Variants in PNISR observed in about 807,000 individuals in gnomAD.
PNISR encodes the protein PNN interacting serine and arginine rich protein, also known as arginine/serine-rich protein PNISR.
A neutral mutation model predicts 93.4 loss-of-function variants in PNISR; 20 were observed. The observed-to-expected ratio is 0.21, with a 90% CI of 0.15 to 0.31. PNISR has a LOEUF of 0.31. PNISR is among the 10% of genes least tolerant of loss of function. The pLI is 1.00. For synonymous variants in PNISR, 305 were observed against 306.5 expected, an observed-to-expected ratio of 0.99 and a Z score of 0.05; for missense variants, 893 against 985.4, an observed-to-expected ratio of 0.91 and a Z score of 1.25.
chr6:99,400,430 A>T lies in PNISR; in HGVS notation c.*110T>A, dbSNP rs1486857094. 1.2e-5 allele frequency: 17 copies of T among 1,396,878 alleles called. No individual in the cohort carries two copies. The highest frequency in any genetic ancestry group is 1.6e-5 in the Non-Finnish European group (17 of 1,065,130). The allele number at this position is 1,396,878 out of a possible 1,614,324, so 86.5% of individuals were successfully genotyped here. On this transcript the variant is annotated 3_prime_UTR_variant, in exon 12 of 12. Coordinates refer to ENST00000369239, the MANE Select transcript of PNISR (RefSeq NM_032870.4). ...CTAACATTTAAGACTATGATTATTTATCAAGTACCAAACTGAGTTTATTAA... is the reference window on the plus strand; with the variant it reads ...CTAACATTTAAGACTATGATTATTTTTCAAGTACCAAACTGAGTTTATTAA...
intron 1 of PNISR, among the ~76,000 whole-genome samples, chr6:99,416,725 A>G (rs1777748802): frequency 1.3e-5 from 2 of 152,216 alleles, no homozygotes; most frequent in South Asian, 2.1e-4. Flanking sequence ...AAGGAACAAC[A>G]AACATTTGAA....
At position 99,406,145 on chromosome 6, in the gene PNISR, G is replaced by A; in HGVS notation, c.888C>T (p.Asp296=). The change falls in exon 8 of 12, where the codon GAC becomes GAT. Residue 296 remains aspartate, a synonymous_variant. Coordinates refer to ENST00000369239, the MANE Select transcript of PNISR (RefSeq NM_032870.4). ...TACTTGCAGCCTCAACATTTTCAGT[G>A]TCTTCTTCTTCCTCATCACTATCCT... ...SKFDSDEEEE[D]TENVEAASSG... The A allele has an allele frequency of 6.2e-7, 1 of 1,609,500 alleles. No homozygotes were observed. The highest frequency in any genetic ancestry group is 8.5e-7 in the Non-Finnish European group (1 of 1,176,082).
At chr6:99,419,860 A>G (rs994397818) in intron 1 of PNISR, among the ~76,000 whole-genome samples, 5 of 152,000 alleles carry the variant, frequency 3.3e-5, no homozygotes, top group Admixed American at 1.3e-4. Flanking sequence ...AGATTTTGTA[A>G]TTTAGTAATT....
At chr6:99,407,996 C>G in intron 7 of PNISR, 85 bp downstream of exon 7, 1 of 971,838 alleles carries the variant, frequency 1.0e-6, no homozygotes, top group East Asian at 2.4e-5. Context: ...CTAATACTTT[C>G]CTATAGGCTA....
At position 99,412,737 on chromosome 6, in the gene PNISR, G is replaced by T. The variant is rs1217358657; in HGVS notation, c.91C>A (p.Gln31Lys). Residue 31 changes from glutamine (Q) to lysine (K), a missense_variant and splice_region_variant, in exon 4 of 12, where the codon CAG (glutamine) becomes AAG (lysine). Physicochemically the swap from Gln to Lys is moderately conservative, Grantham distance 53. Around this residue, in one of 3 missense-constraint regions of PNISR, gnomAD observed 24 missense variants for 32.9 expected, o/e 0.73. Transcript: ENST00000369239. ...QSFQHQQDPS[Q>K]IDWAALAQAW... is the part of the protein sequence containing the mutation. ...TGGGCCAATGCAGCCCAATCAATCT[G>T]GCCTAACGTAAATTAACACTGACTT... The T allele has an allele frequency of 1.3e-6, 2 of 1,558,626 alleles. No homozygotes were observed. Among genetic ancestry groups the T allele is most frequent in the Non-Finnish European group, 1.7e-6 (2 of 1,157,750 alleles).
At position 99,414,680 on chromosome 6, in the gene PNISR, T is replaced by TG; in HGVS notation, c.-22dup. On this transcript the variant is annotated 5_prime_UTR_variant, in exon 3 of 12. Coordinates refer to ENST00000369239, the MANE Select transcript of PNISR (RefSeq NM_032870.4). ...CACATCCCTTCTTTTAAAATATACT[T>TG]GATTTTCTATCTTCAATAAATTAAA... 6.8e-7 allele frequency: 1 copy of TG among 1,475,012 alleles called. No individual in the cohort carries two copies. Among genetic ancestry groups the TG allele is most frequent in the Non-Finnish European group, 9.4e-7 (1 of 1,067,912 alleles). 91.4% of individuals were successfully genotyped at this position (1,475,012 alleles called of 1,614,324 possible). A position where few individuals can be genotyped will look rare whatever the true frequency, so the allele number is the denominator to read the frequency against.
chr6:99,412,451 A>G, intron 4 of PNISR, 100 bp downstream of exon 4: 3 of 841,108 alleles, frequency 3.6e-6, no homozygotes, highest in Non-Finnish European at 5.9e-6. Context: ...AGAAGCATTA[A>G]TTTCCAGAAG....
chr6:99,405,056 G>A (rs1434381868), intron 8 of PNISR, among the ~76,000 whole-genome samples: 1 of 152,114 alleles, frequency 6.6e-6, no homozygotes, highest in Non-Finnish European at 1.5e-5. Context: ...TGGGATTACA[G>A]GCGTGAGCCA....
intron 3 of PNISR, among the ~76,000 whole-genome samples, 161 bp from the exon 4 acceptor site, chr6:99,412,900 A>T (rs1042827150): frequency 1.1e-4 from 16 of 152,210 alleles, no homozygotes; most frequent in Admixed American, 1.0e-3. Flanking sequence ...TGAGATCTTA[A>T]ATATTAAAGC....
At chr6:99,422,294 T>G (rs893854425) in intron 1 of PNISR, among the ~76,000 whole-genome samples, 3 of 152,200 alleles carry the variant, frequency 2.0e-5, no homozygotes, top group African/African-American at 7.2e-5. Context: ...GAAACACATC[T>G]ATCATTTGAT....
At chr6:99,410,515 A>G (rs1776772551) in intron 5 of PNISR, 5 of 505,898 alleles carry the variant, frequency 9.9e-6, no homozygotes, top group Non-Finnish European at 1.8e-5. Context: ...AATTTTTTCA[A>G]AAGTTTTCCG....
At chr6:99,416,170 T>G (rs1483735556) in intron 2 of PNISR, 179 bp downstream of exon 2, 1 of 383,240 alleles carries the variant, frequency 2.6e-6, no homozygotes, top group African/African-American at 2.1e-5. Context: ...CTCTGTTCAG[T>G]GTTTCCTTCT....
chr6:99,401,381 C>T lies in PNISR; in HGVS notation c.1577G>A (p.Ser526Asn), dbSNP rs1775479333. The T allele has an allele frequency of 1.2e-6, 2 of 1,602,390 alleles. No individual in the cohort carries two copies. Among genetic ancestry groups the T allele is most frequent in the Non-Finnish European group, 1.7e-6 (2 of 1,169,560 alleles). The change falls in exon 12 of 12, where the codon AGT (serine) becomes AAT (asparagine). Residue 526 changes from serine (S) to asparagine (N), a missense_variant. By Grantham distance (46) the Ser-to-Asn change is conservative. Transcript: ENST00000369239. ...GSSSSNSRTS[S>N]TSSTVSSSSY... ...AGAGCTAGAGACAGTACTACTAGTA[C>T]TACTAGTTCTGCTATTGCTACTGGA...
chr6:99,414,522 C>A, intron 3 of PNISR, 50 bp downstream of exon 3: 1 of 916,410 alleles, frequency 1.1e-6, no homozygotes, highest in Non-Finnish European at 1.8e-6. Flanking sequence ...GTCTTCTACC[C>A]ATTTCCACAT....
chr6:99,401,273 C>G lies in PNISR; in HGVS notation c.1685G>C (p.Arg562Thr), dbSNP rs779319903. 2 of 1,614,056 alleles carry G rather than the reference C, an allele frequency of 1.2e-6. No homozygotes were observed. Among genetic ancestry groups the G allele is most frequent in the Admixed American group, 3.3e-5 (2 of 60,008 alleles). ...ACGTCTAGCTTTGATTGTTGGAGAT[C>G]TACTCCTACTGTGTCTCTTTTTCCT... ...PKRKKRHSRS[R>T]SPTIKARRSR... Residue 562 changes from arginine to threonine, a missense_variant, in exon 12 of 12, where the codon AGA becomes ACA. Physicochemically the swap from Arg to Thr is moderately conservative, Grantham distance 71 (BLOSUM62 -1). Transcript: ENST00000369239.
intron 1 of PNISR, among the ~76,000 whole-genome samples, chr6:99,420,044 C>G (rs1778335331): frequency 6.6e-6 from 1 of 152,112 alleles, no homozygotes; most frequent in African/African-American, 2.4e-5. Context: ...GCTACCACGC[C>G]CGGCTAATTT....
At chr6:99,416,754 T>A (rs1777752318) in intron 1 of PNISR, among the ~76,000 whole-genome samples, 1 of 152,250 alleles carries the variant, frequency 6.6e-6, no homozygotes, top group Non-Finnish European at 1.5e-5. Context: ...CTCATCCACC[T>A]ATTATTAACT....
intron 4 of PNISR, chr6:99,412,031 G>GT: frequency 3.2e-6 from 1 of 310,754 alleles, no homozygotes; most frequent in Non-Finnish European, 6.4e-6. Flanking sequence ...ACATCATACT[G>GT]TGAAATAAAA....
At position 99,402,544 on chromosome 6, in the gene PNISR, C is replaced by T. The variant is rs140752617; in HGVS notation, c.1323G>A (p.Met441Ile). ...AGTCTAAAAGGTATACTACACCTTC[C>T]ATCTGTTTATCATGTAATAGCTGCT... ...KEQQLLHDKQ[M>I]EEEKQQTERV... The change falls in exon 11 of 12, where the codon ATG becomes ATA. Residue 441 changes from methionine to isoleucine, a missense_variant. Around this residue, in one of 3 missense-constraint regions of PNISR, gnomAD observed 866 missense variants for 935.1 expected, o/e 0.93. Coordinates refer to ENST00000369239, the MANE Select transcript of PNISR (RefSeq NM_032870.4). The T allele has an allele frequency of 1.2e-6, 2 of 1,608,980 alleles. No individual in the cohort carries two copies. Among genetic ancestry groups the T allele is most frequent in the African/African-American group, 2.7e-5 (2 of 74,748 alleles).
Sources: allele counts gnomAD v4.1 joint callset (sites outside exome capture counted in the v4.1 genomes callset), GRCh38; gene constraint gnomAD v4.1.1; regional missense constraint gnomAD v4.1.1; transcripts MANE v1.5; gene names NCBI Gene and HGNC (gene_info 2026-07-23, HGNC 2026-07-21).